The following COL8A1 variants were observed in gnomAD, a reference collection of about 807,000 sequenced individuals.
COL8A1 encodes the protein collagen type VIII alpha 1 chain, also known as collagen alpha-1(VIII) chain.
A neutral mutation model predicts 42.7 loss-of-function variants in COL8A1; 21 were observed. The ratio of observed to expected loss-of-function variants is 0.49; its 90% CI spans 0.35 to 0.71. The LOEUF (loss-of-function observed/expected upper bound fraction) is 0.71, where lower values mean the gene tolerates loss of function less well. Among genes scored for constraint, COL8A1 ranks in the 30% least tolerant of loss-of-function variants. The pLI is 0.01. For missense variants in COL8A1, 788 were observed against 962.4 expected, an observed-to-expected ratio of 0.82 and a Z score of 2.40; for synonymous variants, 367 against 369.1, an observed-to-expected ratio of 0.99 and a Z score of 0.06.
intron 1 of COL8A1, among the ~76,000 whole-genome samples, chr3:99,742,580 T>C (rs980861854): frequency 6.6e-6 from 1 of 152,246 alleles, no homozygotes; most frequent in Non-Finnish European, 1.5e-5. Context: ...AAGGACATTC[T>C]TCTGGATCAT....
Position 99,790,949 on chromosome 3 carries a change from T to C in COL8A1, c.267T>C (p.Tyr89=). The change falls in exon 3 of 4, where the codon TAT becomes TAC. Residue 89 remains tyrosine, a synonymous_variant. Transcript: ENST00000652472. ...YGKEYPHLPQ[Y]MKEIQPAPRM... is the part of the protein sequence containing the mutation. ...AAGAGTATCCACACCTACCCCAATA[T>C]ATGAAGGAAATTCAACCGGCGCCAA... 1 of 1,613,788 alleles carries C rather than the reference T, an allele frequency of 6.2e-7. No homozygotes were observed. The highest frequency in any genetic ancestry group is 2.2e-5 in the East Asian group (1 of 44,854).
chr3:99,794,663 G>A lies in COL8A1; in HGVS notation c.762G>A (p.Lys254=). 6.2e-7 allele frequency: 1 copy of A among 1,613,788 alleles called. No individual in the cohort carries two copies. The highest frequency in any genetic ancestry group is 8.5e-7 in the Non-Finnish European group (1 of 1,179,876). ...GFGMPGAPGV[K]GPPGMHGPPG... ...GGATGCCAGGTGCGCCAGGTGTAAA[G>A]GGGCCTCCAGGGATGCACGGCCCTC... Residue 254 remains lysine (K), a synonymous_variant, in exon 4 of 4, where the codon AAG becomes AAA. Coordinates refer to ENST00000652472, the MANE Select transcript of COL8A1 (RefSeq NM_020351.4). The surrounding 1 kb of genome is among the most constrained non-coding windows in gnomAD (Gnocchi z 4.3).
intron 2 of COL8A1, among the ~76,000 whole-genome samples, chr3:99,775,137 T>G (rs946769285): frequency 2.0e-5 from 3 of 152,006 alleles, no homozygotes; most frequent in Non-Finnish European, 4.4e-5. Context: ...AACTACATGA[T>G]TAGAGAAGCA....
intron 1 of COL8A1, among the ~76,000 whole-genome samples, chr3:99,643,663 T>A (rs1483522949): frequency 6.6e-6 from 1 of 152,224 alleles, no homozygotes; most frequent in African/African-American, 2.4e-5. Context: ...CTAGAAGAGT[T>A]CATTTTAGCC....
intron 1 of COL8A1, among the ~76,000 whole-genome samples, chr3:99,643,653 C>T (rs576695837): frequency 6.6e-6 from 1 of 152,320 alleles, no homozygotes; most frequent in African/African-American, 2.4e-5. Flanking sequence ...TTTGGGAAAT[C>T]TAGAAGAGTT....
rs1390700366 is a variant in COL8A1, at chr3:99,795,959, G to A, written c.2058G>A (p.Met686Ile). Residue 686 changes from methionine to isoleucine, a missense_variant, in exon 4 of 4, where the codon ATG becomes ATA. By Grantham distance (10) the Met-to-Ile change is conservative. Around this residue, in one of 4 missense-constraint regions of COL8A1, gnomAD observed 212 missense variants for 210.9 expected, o/e 1.00. Coordinates refer to ENST00000652472, the MANE Select transcript of COL8A1 (RefSeq NM_020351.4). ...VALFKNNEPV[M>I]YTYDEYKKGF... is the part of the protein sequence containing the mutation. Reference sequence around the variant, plus strand: ...TATTCAAGAACAACGAGCCCGTGATGTACACGTACGACGAGTACAAAAAGG... The same window carrying A: ...TATTCAAGAACAACGAGCCCGTGATATACACGTACGACGAGTACAAAAAGG... 6.2e-6 allele frequency: 10 copies of A among 1,614,018 alleles called. No individual in the cohort carries two copies. The highest frequency in any genetic ancestry group is 1.7e-6 in the Non-Finnish European group (2 of 1,180,004).
intron 1 of COL8A1, among the ~76,000 whole-genome samples, chr3:99,743,325 T>C (rs1424102240): frequency 1.3e-5 from 2 of 152,224 alleles, no homozygotes; most frequent in African/African-American, 4.8e-5. Context: ...AAATCACCTA[T>C]GGCTAAACCA....
chr3:99,753,990 T>C (rs531856920), intron 2 of COL8A1, among the ~76,000 whole-genome samples: 2 of 152,326 alleles, frequency 1.3e-5, no homozygotes, highest in African/African-American at 2.4e-5. Flanking sequence ...GTTTCTCTTA[T>C]ATCAATTTAA....
At chr3:99,673,603 G>A (rs774061595) in intron 1 of COL8A1, among the ~76,000 whole-genome samples, 2 of 151,982 alleles carry the variant, frequency 1.3e-5, no homozygotes, top group East Asian at 1.9e-4. Context: ...ATTTTGGGGA[G>A]GAAATTCTTT....
At chr3:99,673,795 A>G (rs970062490) in intron 1 of COL8A1, among the ~76,000 whole-genome samples, 4 of 151,998 alleles carry the variant, frequency 2.6e-5, no homozygotes, top group African/African-American at 4.8e-5. Context: ...AATTCAGCCA[A>G]TTACTACTGA....
At chr3:99,719,553 CT>C (rs1940091429) in intron 1 of COL8A1, among the ~76,000 whole-genome samples, 1 of 152,070 alleles carries the variant, frequency 6.6e-6, no homozygotes, top group Non-Finnish European at 1.5e-5. Context: ...TAGTACAGGG[CT>C]TTTGGGAGCA....
At chr3:99,691,414 A>G (rs1218300508) in intron 1 of COL8A1, 1 of 152,122 alleles carries the variant, frequency 6.6e-6, no homozygotes, top group Non-Finnish European at 1.5e-5. Context: ...AGTTTCACCT[A>G]TGGAATGAGA....
chr3:99,742,868 T>C (rs1261839120), intron 1 of COL8A1, among the ~76,000 whole-genome samples: 1 of 152,018 alleles, frequency 6.6e-6, no homozygotes, highest in Non-Finnish European at 1.5e-5. Context: ...ATTTTCACCA[T>C]AACTAGAAAG....
In COL8A1 at chr3:99,798,509, C is replaced by G. The variant is rs1942140125; in HGVS notation, c.*2373C>G. On this transcript the variant is annotated 3_prime_UTR_variant, in exon 4 of 4. Coordinates refer to ENST00000652472, the MANE Select transcript of COL8A1 (RefSeq NM_020351.4). The stretch of plus-strand genomic sequence containing the variant: ...TGTACATGTATGGGCTTTTAATTCC[C>G]ACCAAGAAAGAGAGAAATTATCTTT... The G allele has an allele frequency of 1.3e-5, 2 of 152,140 alleles. No homozygotes were observed. Among genetic ancestry groups the G allele is most frequent in the African/African-American group, 4.8e-5 (2 of 41,422 alleles). 9.4% of individuals were successfully genotyped at this position (152,140 alleles called of 1,614,324 possible).
chr3:99,776,121 G>A (rs1395264272), intron 2 of COL8A1, among the ~76,000 whole-genome samples: 2 of 152,156 alleles, frequency 1.3e-5, no homozygotes, highest in Non-Finnish European at 2.9e-5. Flanking sequence ...GGAAGAAGAT[G>A]ATTTTGATTC....
At chr3:99,669,737 C>G (rs929340679) in intron 1 of COL8A1, among the ~76,000 whole-genome samples, 15 of 152,012 alleles carry the variant, frequency 9.9e-5, no homozygotes, top group Admixed American at 7.9e-4. Flanking sequence ...GACAAAATTA[C>G]AAGTGCTAAA....
chr3:99,739,089 A>T (rs1940822691), intron 1 of COL8A1, among the ~76,000 whole-genome samples: 1 of 152,124 alleles, frequency 6.6e-6, no homozygotes, highest in African/African-American at 2.4e-5. Context: ...TGGCTCGTGC[A>T]CGGTGCGCGC....
Position 99,794,930 on chromosome 3 carries a change from AC to A in COL8A1, c.1034del (p.Pro345GlnfsTer36). On this transcript the variant is annotated frameshift_variant, in exon 4 of 4. Coordinates refer to ENST00000652472, the MANE Select transcript of COL8A1 (RefSeq NM_020351.4). LOFTEE classifies it high-confidence loss of function. This position sits in a 1 kb window ranked among gnomAD's most constrained non-coding sequence, Gnocchi z 4.3. ...AGCAAGGACTGCCAGGGCTACCAGG[AC>A]CCCCAGGCCTTCCAGGGATTGGGAA... Reference protein sequence around the residue: ...GEQGLPGLPGPPGLPGIGKPG... With the variant: ...GEQGLPGLPGXPGLPGIGKPG... The A allele has an allele frequency of 6.3e-7, 1 of 1,593,904 alleles. No individual in the cohort carries two copies. The highest frequency in any genetic ancestry group is 8.5e-7 in the Non-Finnish European group (1 of 1,170,744).
chr3:99,778,616 TAA>T (rs71625538), intron 2 of COL8A1, among the ~76,000 whole-genome samples: 1,764 of 144,312 alleles, frequency 0.012, 41 homozygotes, highest in African/African-American at 0.043. Flanking sequence ...GCTTTTAAAA[TAA>T]AAAAAAAAAG....
Sources: allele counts gnomAD v4.1 joint callset (sites outside exome capture counted in the v4.1 genomes callset), GRCh38; gene constraint gnomAD v4.1.1; regional missense constraint gnomAD v4.1.1; non-coding constraint Gnocchi (gnomAD v3.1); transcripts MANE v1.5; gene names NCBI Gene and HGNC (gene_info 2026-07-23, HGNC 2026-07-21).